Variants in HIP1 observed in about 807,000 individuals in gnomAD.
HIP1 encodes huntingtin-interacting protein 1.
A neutral mutation model predicts 147.6 loss-of-function variants in HIP1; 65 were observed. The ratio of observed to expected loss-of-function variants is 0.44; its 90% confidence interval spans 0.36 to 0.54. The LOEUF is 0.54. Among genes scored for constraint, HIP1 ranks in the 20% least tolerant of loss-of-function variants. The probability of loss-of-function intolerance (pLI) is 0.00; values close to 1 mark genes in which losing one functional copy is unlikely to be tolerated. For missense variants in HIP1, 1,061 were observed against 1,299.6 expected (o/e 0.82, Z 2.82); for synonymous variants, 479 against 504.0 (o/e 0.95, Z 0.67).
chr7:75,649,709 C>T (rs971685238), intron 1 of HIP1, among the ~76,000 whole-genome samples: 2 of 152,134 alleles, frequency 1.3e-5, no homozygotes, highest in Non-Finnish European at 2.9e-5. Context: ...ACAACCACAG[C>T]CAGGACTCAG....
At chr7:75,555,985 G>A (rs782446836) in intron 18 of HIP1, 41 bp downstream of exon 18, 20 of 1,608,356 alleles carry the variant, frequency 1.2e-5, no homozygotes, top group Admixed American at 1.7e-5. Context: ...CCCTCGGTGG[G>A]AATTCACAGG....
At chr7:75,591,183 C>T (rs1172020674) in intron 4 of HIP1, among the ~76,000 whole-genome samples, 2 of 152,090 alleles carry the variant, frequency 1.3e-5, no homozygotes, top group East Asian at 1.9e-4. Context: ...CAGGCACACG[C>T]CACCACACCC....
intron 2 of HIP1, among the ~76,000 whole-genome samples, chr7:75,596,456 G>A (rs587667509): frequency 1.3e-5 from 2 of 151,890 alleles, no homozygotes; most frequent in East Asian, 1.9e-4. Flanking sequence ...GTACGATCTC[G>A]GCTCACTGCA....
chr7:75,541,674 C>T (rs782232266), intron 29 of HIP1, among the ~76,000 whole-genome samples: 2 of 150,572 alleles, frequency 1.3e-5, no homozygotes, highest in South Asian at 2.1e-4. Flanking sequence ...CCAGTCTGGG[C>T]GACAGGACGA....
chr7:75,567,161 GT>G (rs1224467043), intron 9 of HIP1, among the ~76,000 whole-genome samples: 2 of 147,198 alleles, frequency 1.4e-5, no homozygotes, highest in Admixed American at 6.8e-5. Flanking sequence ...AGAGAGAAAG[GT>G]TTTTTTTTGT....
rs139090171 is a variant in HIP1, at chr7:75,618,555, G to A, written c.121-19308C>T. 4.5e-3 allele frequency among the ~76,000 whole-genome samples: 677 copies of A among 152,068 alleles called. 4 individuals carry two copies. Among genetic ancestry groups the A allele is most frequent in the African/African-American group, 0.016 (660 of 41,486 alleles). ...GCCCTCCTCAGTCTCCCAAAGTGCC[G>A]GGATTACAGGCATGAGCCACCGCAC... On this transcript the variant is annotated intron_variant, in intron 1 of 30. Transcript: ENST00000336926.
chr7:75,706,478 T>TTA (rs1554519735), intron 1 of HIP1, among the ~76,000 whole-genome samples: 1 of 145,400 alleles, frequency 6.9e-6, no homozygotes, highest in Non-Finnish European at 1.5e-5. Flanking sequence ...ATCTTCTTTT[T>TTA]TTTTATTTTT....
At chr7:75,661,203 G>A (rs1799301261) in intron 1 of HIP1, among the ~76,000 whole-genome samples, 1 of 151,480 alleles carries the variant, frequency 6.6e-6, no homozygotes, top group South Asian at 2.1e-4. Context: ...ACTTGAGCCT[G>A]GGAGGTCAAG....
At chr7:75,644,717 G>A (rs180742968) in intron 1 of HIP1, among the ~76,000 whole-genome samples, 37 of 152,316 alleles carry the variant, frequency 2.4e-4, no homozygotes, top group African/African-American at 8.7e-4. Context: ...AGGAGCTAGA[G>A]TCACTGACCA....
At chr7:75,551,452 T>C (rs1794781034) in intron 22 of HIP1, among the ~76,000 whole-genome samples, 1 of 151,910 alleles carries the variant, frequency 6.6e-6, no homozygotes, top group Non-Finnish European at 1.5e-5. Context: ...TGGCCTCAAG[T>C]GATCCACCCA....
Position 75,589,927 on chromosome 7 carries a change from G to A in HIP1, c.384+2129C>T, listed in dbSNP as rs990578228. ...CTGTATTTTTTTAGTAGAGACGGGG[G>A]TTTCACCGTGTTAGCCAGGATGGTC... On this transcript the variant is annotated intron_variant, in intron 4 of 30. Coordinates refer to ENST00000336926, the MANE Select transcript of HIP1 (RefSeq NM_005338.7). Among the ~76,000 whole-genome samples, 6 of 151,840 alleles carry A rather than the reference G, an allele frequency of 4.0e-5. No homozygotes were observed. The South Asian group carries it at 8.3e-4, about 21-fold the overall frequency.
intron 1 of HIP1, among the ~76,000 whole-genome samples, chr7:75,651,901 C>T (rs1255224675): frequency 2.0e-5 from 3 of 152,030 alleles, no homozygotes; most frequent in South Asian, 2.1e-4. Context: ...CCCAGCTACT[C>T]GGGAGGCTGA....
chr7:75,655,479 G>A lies in HIP1; in HGVS notation c.121-56232C>T, dbSNP rs545757102. Among the ~76,000 whole-genome samples the A allele has an allele frequency of 7.2e-5, 11 of 152,112 alleles. 1 individual carries two copies. The highest frequency in any genetic ancestry group is 2.7e-4 in the African/African-American group (11 of 41,496). On this transcript the variant is annotated intron_variant, in intron 1 of 30. Transcript: ENST00000336926. Reference sequence around the variant, plus strand: ...CACCTGTAATCCCAACTACTTGGGAGGCTGAGGCAGGAGAGTCGCTGAAAT... The same window carrying A: ...CACCTGTAATCCCAACTACTTGGGAAGCTGAGGCAGGAGAGTCGCTGAAAT...
At chr7:75,564,706 TCA>T (rs1204686190) in intron 9 of HIP1, among the ~76,000 whole-genome samples, 2 of 151,898 alleles carry the variant, frequency 1.3e-5, no homozygotes, top group Non-Finnish European at 2.9e-5. Context: ...AGGGATCCTC[TCA>T]CCTCAGCCTC....
At chr7:75,548,378 C>CACCTTCTCTCATGAGG (rs1184920995) in intron 23 of HIP1, among the ~76,000 whole-genome samples, 2 of 152,096 alleles carry the variant, frequency 1.3e-5, no homozygotes, top group Non-Finnish European at 2.9e-5. Context: ...GGAAACTAAT[C>CACCTTCTCTCATGAGG]ACCTTCTCTC....
chr7:75,554,014 GAGT>G, intron 21 of HIP1, 96 bp downstream of exon 21: 2 of 811,416 alleles, frequency 2.5e-6, no homozygotes, highest in Non-Finnish European at 4.0e-6. Context: ...CAAAGTGCTG[GAGT>G]TACAGGCATG....
intron 1 of HIP1, among the ~76,000 whole-genome samples, chr7:75,635,054 G>A (rs80137303): frequency 0.013 from 2,039 of 151,556 alleles, 20 homozygotes; most frequent in Non-Finnish European, 0.022. Context: ...AATTGATAGC[G>A]TTGACTCTAT....
intron 1 of HIP1, among the ~76,000 whole-genome samples, chr7:75,631,861 AACTC>A (rs1798232142): frequency 6.6e-6 from 1 of 152,180 alleles, no homozygotes; most frequent in African/African-American, 2.4e-5. Context: ...AGCTTCAAGA[AACTC>A]ACCCAGCTGC....
chr7:75,672,318 T>C (rs1431870690), intron 1 of HIP1, among the ~76,000 whole-genome samples: 1 of 141,936 alleles, frequency 7.0e-6, no homozygotes, highest in Non-Finnish European at 1.5e-5. Flanking sequence ...AGATGTCTTT[T>C]TACATTCTTT....
Sources: gnomAD v4.1 joint callset for allele counts (sites outside exome capture counted in the v4.1 genomes callset) on GRCh38, gnomAD v4.1.1 for gene constraint, MANE v1.5 for transcripts, NCBI Gene and HGNC (gene_info 2026-07-23, HGNC 2026-07-21) for gene names.